Variants in KLF8 observed in about 807,000 individuals in gnomAD.
The protein encoded by KLF8 is Krueppel-like factor 8.
A neutral mutation model predicts 18.2 loss-of-function variants in KLF8; 10 were observed. The ratio of observed to expected loss-of-function variants is 0.55; its 90% CI spans 0.34 to 0.93. The LOEUF is 0.93. KLF8 is among the 40% of genes least tolerant of loss of function. KLF8 has a pLI of 0.02. For synonymous variants in KLF8, 109 were observed against 97.3 expected (o/e 1.12, Z -0.71); for missense variants, 264 against 277.9 (o/e 0.95, Z 0.36).
At chrX:56,160,958 T>G in the KLF8 span, among the ~76,000 whole-genome samples, 1 of 111,314 alleles carries the variant, frequency 9.0e-6, no homozygotes, top group Non-Finnish European at 1.9e-5. Flanking sequence ...ATTTTGCTCG[T>G]TAGTTGATGC....
rs540363917 is a variant in KLF8 at position 56,258,061 on chromosome X, G to A, written c.82-7119G>A. On this transcript the variant is annotated intron_variant, in intron 2 of 5. Coordinates refer to ENST00000468660, the MANE Select transcript of KLF8 (RefSeq NM_007250.5). ...TTAATGATATTTAGCCCTATTTGAT[G>A]TCCCATTTACCTTAATCGTAGCTTT... Among the ~76,000 whole-genome samples, 5 of 112,048 alleles carry A rather than the reference G, an allele frequency of 4.5e-5. No homozygotes were observed. In the East Asian group the frequency reaches 1.1e-3, roughly 25 times the overall value.
At chrX:56,142,885 T>G in the KLF8 span, among the ~76,000 whole-genome samples, 3 of 112,245 alleles carry the variant, frequency 2.7e-5, no homozygotes, top group Non-Finnish European at 5.6e-5. Flanking sequence ...ACATTACTAC[T>G]GTGATGCAAG....
the KLF8 span, among the ~76,000 whole-genome samples, chrX:56,171,083 A>T: frequency 8.9e-6 from 1 of 111,959 alleles, no homozygotes; most frequent in African/African-American, 3.2e-5. Flanking sequence ...GAAGGTACAA[A>T]ACTCACTGAG....
the KLF8 span, among the ~76,000 whole-genome samples, chrX:56,051,095 G>T: frequency 9.1e-6 from 1 of 110,372 alleles, no homozygotes; most frequent in Non-Finnish European, 1.9e-5. Context: ...TGCAACCCCT[G>T]CCTTTTTTTG....
chrX:55,983,359 G>A, the KLF8 span, among the ~76,000 whole-genome samples: 1 of 111,192 alleles, frequency 9.0e-6, no homozygotes, highest in African/African-American at 3.3e-5. Flanking sequence ...AAAAGGAATA[G>A]GTTAACCATT....
chrX:56,021,957 A>G, the KLF8 span, among the ~76,000 whole-genome samples: 1 of 106,127 alleles, frequency 9.4e-6, no homozygotes, highest in Non-Finnish European at 1.9e-5. Flanking sequence ...TGCAGAGAAT[A>G]GAGCAAAAAA....
chrX:56,177,780 C>G, the KLF8 span, among the ~76,000 whole-genome samples: 1 of 111,527 alleles, frequency 9.0e-6, no homozygotes, highest in Admixed American at 9.5e-5. Context: ...ACTTTGTTTA[C>G]CTACTCAAGC....
chrX:56,261,520 A>G (rs1201253035), intron 2 of KLF8, among the ~76,000 whole-genome samples: 1 of 111,638 alleles, frequency 9.0e-6, no homozygotes, highest in Non-Finnish European at 1.9e-5. Flanking sequence ...TGAAGTGATT[A>G]TATTCAATGA....
the KLF8 span, among the ~76,000 whole-genome samples, chrX:56,036,891 C>G: frequency 1.9e-5 from 2 of 107,858 alleles, no homozygotes; most frequent in African/African-American, 6.7e-5. Context: ...TCTGCTACAA[C>G]CTTCATTAAG....
the KLF8 span, among the ~76,000 whole-genome samples, chrX:56,042,275 G>A: frequency 3.1e-4 from 35 of 111,862 alleles, no homozygotes; most frequent in African/African-American, 1.1e-3. Flanking sequence ...CATTTGCCGA[G>A]GAGTGTTTTC....
intron 5 of KLF8, among the ~76,000 whole-genome samples, chrX:56,277,582 G>A (rs994471042): frequency 1.8e-5 from 2 of 111,898 alleles, no homozygotes; most frequent in African/African-American, 6.5e-5. Context: ...ACCACCACTC[G>A]GACGTGCTAG....
the KLF8 span, among the ~76,000 whole-genome samples, chrX:56,151,456 G>C: frequency 9.0e-6 from 1 of 111,429 alleles, no homozygotes; most frequent in African/African-American, 3.3e-5. Context: ...CTTGAGAAAG[G>C]TATAGAAAGT....
At chrX:56,121,943 T>G in the KLF8 span, among the ~76,000 whole-genome samples, 4 of 112,129 alleles carry the variant, frequency 3.6e-5, no homozygotes, top group Non-Finnish European at 7.5e-5. Context: ...AGTATCTACA[T>G]CTGCAAAAAT....
At chrX:56,095,694 T>TA in the KLF8 span, among the ~76,000 whole-genome samples, 63 of 110,790 alleles carry the variant, frequency 5.7e-4, no homozygotes, top group Admixed American at 8.6e-4. Flanking sequence ...CTAAGAAACA[T>TA]AAAAAATCCT....
At chrX:56,137,903 A>T in the KLF8 span, among the ~76,000 whole-genome samples, 1 of 109,687 alleles carries the variant, frequency 9.1e-6, no homozygotes, top group Admixed American at 9.8e-5. Context: ...ACAGAAGATC[A>T]ACAAAACTAA....
chrX:56,193,669 C>T, the KLF8 span, among the ~76,000 whole-genome samples: 2 of 111,882 alleles, frequency 1.8e-5, no homozygotes, highest in East Asian at 5.6e-4. Context: ...TTTGCAACAA[C>T]ATGAATGGAA....
chrX:55,924,180 C>T, the KLF8 span, among the ~76,000 whole-genome samples: 2 of 111,591 alleles, frequency 1.8e-5, no homozygotes, highest in African/African-American at 3.3e-5. Flanking sequence ...CGCCATTCTC[C>T]TGCCTCAGCC....
the KLF8 span, among the ~76,000 whole-genome samples, chrX:56,049,735 T>G: frequency 0.11 from 12,425 of 109,362 alleles, 1,338 homozygotes; most frequent in African/African-American, 0.33. Context: ...TCTCTTTTTT[T>G]GTTGTGTTTC....
At chrX:56,004,481 G>T in the KLF8 span, among the ~76,000 whole-genome samples, 6 of 111,770 alleles carry the variant, frequency 5.4e-5, no homozygotes, top group African/African-American at 1.3e-4. Context: ...GTACCCCTAG[G>T]CTGAAGAGGT....
Sources: allele counts gnomAD v4.1 joint callset (sites outside exome capture counted in the v4.1 genomes callset), GRCh38; gene constraint gnomAD v4.1.1; transcripts MANE v1.5; gene names NCBI Gene and HGNC (gene_info 2026-07-23, HGNC 2026-07-21).